Variants in CRYL1 observed in about 807,000 individuals in gnomAD.
CRYL1 encodes the protein lambda-crystallin homolog.
Under a neutral mutation model 36.6 loss-of-function variants are expected in CRYL1, and 29 were observed. That is an observed-to-expected ratio of 0.79 (90% CI 0.59 to 1.08). CRYL1 has a LOEUF of 1.08. CRYL1 is among the 50% of genes least tolerant of loss of function. The probability of loss-of-function intolerance (pLI) is 0.00; values close to 1 mark genes in which losing one functional copy is unlikely to be tolerated. For missense variants in CRYL1, 411 were observed against 407.9 expected (o/e 1.01, Z -0.06); for synonymous variants, 152 against 151.5 (o/e 1.00, Z -0.02).
intron 2 of CRYL1, among the ~76,000 whole-genome samples, chr13:20,503,682 C>T (rs1422170516): frequency 6.6e-6 from 1 of 152,126 alleles, no homozygotes; most frequent in Non-Finnish European, 1.5e-5. Flanking sequence ...CAGACAGAGA[C>T]GGGAACAATT....
At chr13:20,520,145 A>T (rs2034068841) in intron 1 of CRYL1, among the ~76,000 whole-genome samples, 1 of 152,218 alleles carries the variant, frequency 6.6e-6, no homozygotes, top group Non-Finnish European at 1.5e-5. Context: ...CTCAACTTTA[A>T]CACAGTTTGA....
chr13:20,516,921 T>A (rs935836921), intron 1 of CRYL1, among the ~76,000 whole-genome samples: 1 of 151,968 alleles, frequency 6.6e-6, no homozygotes, highest in Non-Finnish European at 1.5e-5. Context: ...AAAAAAATTT[T>A]AAATTAGCTG....
intron 2 of CRYL1, among the ~76,000 whole-genome samples, chr13:20,500,678 TGGATGGTCATGA>T (rs1290069625): frequency 2.6e-5 from 4 of 152,212 alleles, no homozygotes; most frequent in African/African-American, 9.7e-5. Flanking sequence ...CTTTGATTCC[TGGATGGTCATGA>T]GGTCTTCCAT....
intron 4 of CRYL1, among the ~76,000 whole-genome samples, chr13:20,434,150 A>G (rs2032145076): frequency 2.0e-5 from 3 of 152,190 alleles, no homozygotes; most frequent in Non-Finnish European, 4.4e-5. Flanking sequence ...CCAAGTCAGT[A>G]CCAGGAGAAA....
intron 1 of CRYL1, among the ~76,000 whole-genome samples, chr13:20,516,059 C>T (rs570777586): frequency 1.1e-4 from 16 of 151,974 alleles, no homozygotes; most frequent in African/African-American, 3.4e-4. Flanking sequence ...GGTATGGTGG[C>T]GGGCACCTGT....
At chr13:20,434,642 G>A (rs1034328384) in intron 4 of CRYL1, among the ~76,000 whole-genome samples, 6 of 129,938 alleles carry the variant, frequency 4.6e-5, no homozygotes, top group Admixed American at 4.2e-4. Flanking sequence ...CACCTGCAGC[G>A]TTAACCCACT....
rs1017236784 is a variant in CRYL1 at position 20,483,029 on chromosome 13, G to A, written c.276+6341C>T. ...GTAGAGAGTAGAATGGTGGACACCCGCAGCCGGCAGTTACCAGGAAGGGGA... is the reference window on the plus strand; with the variant it reads ...GTAGAGAGTAGAATGGTGGACACCCACAGCCGGCAGTTACCAGGAAGGGGA... On this transcript the variant is annotated intron_variant, in intron 3 of 7. Coordinates refer to ENST00000298248, the MANE Select transcript of CRYL1 (RefSeq NM_015974.3). Among the ~76,000 whole-genome samples, 13 of 152,176 alleles carry A rather than the reference G, an allele frequency of 8.5e-5. No homozygotes were observed. The South Asian group carries it at 2.7e-3, about 32-fold the overall frequency.
intron 3 of CRYL1, among the ~76,000 whole-genome samples, chr13:20,466,744 A>AG (rs1464643826): frequency 1.3e-5 from 2 of 148,840 alleles, no homozygotes; most frequent in African/African-American, 5.1e-5. Context: ...TAAAATAGTG[A>AG]GTCTATGCTT....
intron 1 of CRYL1, among the ~76,000 whole-genome samples, chr13:20,522,910 A>ATTT (rs2034121741): frequency 3.4e-5 from 2 of 58,188 alleles, no homozygotes; most frequent in Non-Finnish European, 8.1e-5. Flanking sequence ...ACCCATTTCT[A>ATTT]CTTTTTTTTT....
rs112277479 is a variant in CRYL1, at chr13:20,435,567, G to C, written c.439-3271C>G. On this transcript the variant is annotated intron_variant, in intron 4 of 7. Transcript: ENST00000298248. The surrounding 1 kb of genome is among the most constrained non-coding windows in gnomAD (Gnocchi z 4.0). Reference sequence around the variant, plus strand: ...TGCCCCTTGAATTTACCACAGTAGAGGGGAGGAGAGGAGGCGAGACAGGAG... The same window carrying C: ...TGCCCCTTGAATTTACCACAGTAGACGGGAGGAGAGGAGGCGAGACAGGAG... Among the ~76,000 whole-genome samples the C allele has an allele frequency of 0.015, 2,306 of 152,326 alleles. 67 individuals carry two copies. The highest frequency in any genetic ancestry group is 0.053 in the African/African-American group (2,210 of 41,574).
chr13:20,492,889 A>G (rs2033537231), intron 2 of CRYL1, among the ~76,000 whole-genome samples: 2 of 152,186 alleles, frequency 1.3e-5, no homozygotes, highest in African/African-American at 2.4e-5. Flanking sequence ...GGGGTTTTCC[A>G]GATGACACAG....
chr13:20,409,300 T>C (rs1195500348), intron 6 of CRYL1, among the ~76,000 whole-genome samples: 2 of 150,582 alleles, frequency 1.3e-5, no homozygotes. Flanking sequence ...TAGCCATAGG[T>C]AGAAAGCTGA....
At chr13:20,482,040 A>G (rs937078962) in intron 3 of CRYL1, among the ~76,000 whole-genome samples, 3 of 142,920 alleles carry the variant, frequency 2.1e-5, no homozygotes, top group African/African-American at 5.3e-5. Context: ...CCCCACACCC[A>G]TCTCTACCAA....
rs943831952 is a variant in CRYL1 at position 20,425,828 on chromosome 13, C to A, written c.633+6274G>T. The stretch of plus-strand genomic sequence containing the variant: ...AGTTCATAATGCAGTGGATTATGCG[C>A]AAACCTGGCTGACAGCATGAGATCA... On this transcript the variant is annotated intron_variant, in intron 5 of 7. Coordinates refer to ENST00000298248, the MANE Select transcript of CRYL1 (RefSeq NM_015974.3). The surrounding 1 kb of genome is among the most constrained non-coding windows in gnomAD (Gnocchi z 4.4). Among the ~76,000 whole-genome samples, 1 of 152,130 alleles carries A rather than the reference C, an allele frequency of 6.6e-6. No individual in the cohort carries two copies. Among genetic ancestry groups the A allele is most frequent in the Non-Finnish European group, 1.5e-5 (1 of 68,040 alleles).
At chr13:20,410,389 G>T in intron 6 of CRYL1, among the ~76,000 whole-genome samples, 1 of 130,238 alleles carries the variant, frequency 7.7e-6, no homozygotes, top group South Asian at 3.1e-4. Flanking sequence ...GTAGTGGGGT[G>T]GGGGGAGGGG....
At chr13:20,508,830 G>A (rs1332927666) in intron 2 of CRYL1, among the ~76,000 whole-genome samples, 4 of 115,674 alleles carry the variant, frequency 3.5e-5, no homozygotes, top group Admixed American at 1.3e-4. Context: ...CTCCGGCCTA[G>A]GTGGCAGAGC....
intron 3 of CRYL1, among the ~76,000 whole-genome samples, chr13:20,487,837 C>T (rs534249256): frequency 1.2e-4 from 18 of 152,006 alleles, no homozygotes; most frequent in Non-Finnish European, 2.5e-4. Flanking sequence ...TACCGTGGCT[C>T]ACGCCTGTAA....
intron 3 of CRYL1, among the ~76,000 whole-genome samples, chr13:20,484,051 C>G (rs1410141182): frequency 6.6e-6 from 1 of 152,162 alleles, no homozygotes; most frequent in Non-Finnish European, 1.5e-5. Context: ...CTCCTGACAT[C>G]GTGATCTGCC....
rs141996221 is a variant in CRYL1 at position 20,425,248 on chromosome 13, A to C, written c.633+6854T>G. 4.6e-5 allele frequency among the ~76,000 whole-genome samples: 7 copies of C among 152,300 alleles called. No homozygotes were observed. The East Asian group carries it at 1.4e-3, about 29-fold the overall frequency. On this transcript the variant is annotated intron_variant, in intron 5 of 7. Transcript: ENST00000298248. The surrounding 1 kb of genome is among the most constrained non-coding windows in gnomAD (Gnocchi z 4.4). ...CCTCTTGTCAAGCTCTGCTGCTTCC[A>C]GCCACAAGACTGCTGTTCCTGTCCT...
Sources: allele counts gnomAD v4.1 joint callset (sites outside exome capture counted in the v4.1 genomes callset), GRCh38; gene constraint gnomAD v4.1.1; non-coding constraint Gnocchi (gnomAD v3.1); transcripts MANE v1.5; gene names NCBI Gene and HGNC (gene_info 2026-07-23, HGNC 2026-07-21).